ENAH: variants seen among roughly 807,000 people sequenced by gnomAD.
ENAH encodes ENAH actin regulator.
In ENAH, 23 loss-of-function variants were observed where a neutral mutation model predicts 78.7. The observed-to-expected ratio is 0.29, with a 90% CI of 0.21 to 0.41. The LOEUF is 0.41. Among genes scored for constraint, ENAH ranks in the 10% least tolerant of loss-of-function variants. The pLI is 1.00. For missense variants in ENAH, 544 were observed against 691.0 expected, an observed-to-expected ratio of 0.79 and a Z score of 2.39; for synonymous variants, 226 against 241.0, an observed-to-expected ratio of 0.94 and a Z score of 0.58.
Position 225,497,828 on chromosome 1 carries a change from C to A in ENAH, c.1676-16G>T, listed in dbSNP as rs746952942. ...TGCCTGATTGCTGGATGGAAAAGAA[C>A]AAGTATTGAAAATAAATATAATGAT... On this transcript the variant is annotated splice_polypyrimidine_tract_variant and intron_variant, in intron 13 of 13. Transcript: ENST00000366843. The A allele has an allele frequency of 6.2e-7, 1 of 1,608,556 alleles. No homozygotes were observed. Among genetic ancestry groups the A allele is most frequent in the South Asian group, 1.1e-5 (1 of 90,810 alleles).
chr1:225,593,409 GGGGGGGGGT>G (rs1558874097), intron 1 of ENAH, among the ~76,000 whole-genome samples: 1 of 124,148 alleles, frequency 8.1e-6, no homozygotes, highest in Non-Finnish European at 1.7e-5. Flanking sequence ...GTGGGGGGGG[GGGGGGGGGT>G]GGGGGGTGCC....
intron 1 of ENAH, among the ~76,000 whole-genome samples, chr1:225,616,137 G>C (rs893946192): frequency 2.6e-5 from 4 of 152,110 alleles, no homozygotes; most frequent in Non-Finnish European, 5.9e-5. Flanking sequence ...GCAGCATGCT[G>C]GTTAAGAGTC....
In ENAH at chr1:225,629,267, G is replaced by C. The variant is rs573129086; in HGVS notation, c.5+23419C>G. On this transcript the variant is annotated intron_variant, in intron 1 of 13. Coordinates refer to ENST00000366843, the MANE Select transcript of ENAH (RefSeq NM_018212.6). ...CACTTCAGCCTGGGTGACAGAGCAA[G>C]ACTCCATCTCGGAAGAAAGAAAAGA... is the stretch of plus-strand genomic sequence containing the variant. 2.6e-5 allele frequency among the ~76,000 whole-genome samples: 4 copies of C among 151,780 alleles called. No individual in the cohort carries two copies. The South Asian group carries it at 8.3e-4, about 32-fold the overall frequency.
At chr1:225,596,529 A>G (rs1051942565) in intron 1 of ENAH, among the ~76,000 whole-genome samples, 2 of 152,194 alleles carry the variant, frequency 1.3e-5, no homozygotes, top group Non-Finnish European at 2.9e-5. Flanking sequence ...GGAGGAAGGG[A>G]AAAAAACTGG....
intron 1 of ENAH, among the ~76,000 whole-genome samples, chr1:225,593,646 T>G (rs1285961408): frequency 6.6e-6 from 1 of 152,148 alleles, no homozygotes; most frequent in Non-Finnish European, 1.5e-5. Flanking sequence ...ACTTTGGCAA[T>G]GTGTTCAGAA....
Position 225,555,048 on chromosome 1 carries a change from C to T in ENAH, c.207G>A (p.Lys69=). 6.3e-7 allele frequency: 1 copy of T among 1,586,758 alleles called. No individual in the cohort carries two copies. Among genetic ancestry groups the T allele is most frequent in the Non-Finnish European group, 8.6e-7 (1 of 1,158,198 alleles). ...VINCAIPKGL[K]YNQATQTFHQ... ...GGAAGGTCTGTGTAGCTTGATTGTA[C>T]TTCAACCCTTTAGGAATGGCACAGT... The change falls in exon 3 of 14, where the codon AAG becomes AAA. Residue 69 remains lysine, a synonymous_variant. Coordinates refer to ENST00000366843, the MANE Select transcript of ENAH (RefSeq NM_018212.6).
At chr1:225,520,730 C>T (rs2151181687) in intron 4 of ENAH, among the ~76,000 whole-genome samples, 1 of 152,134 alleles carries the variant, frequency 6.6e-6, no homozygotes, top group South Asian at 2.1e-4. Flanking sequence ...GTGCCATGCA[C>T]CTGTATTCCC....
intron 3 of ENAH, among the ~76,000 whole-genome samples, chr1:225,533,098 T>A (rs747236150): frequency 6.6e-6 from 1 of 152,142 alleles, no homozygotes; most frequent in Non-Finnish European, 1.5e-5. Flanking sequence ...AATTGTCAGG[T>A]TGCAGTAACT....
At chr1:225,558,030 T>C (rs911361033) in intron 2 of ENAH, among the ~76,000 whole-genome samples, 5 of 152,194 alleles carry the variant, frequency 3.3e-5, no homozygotes, top group Non-Finnish European at 5.9e-5. Flanking sequence ...TTTTCTAGTA[T>C]TAAACCAACC....
rs1020449843 is a variant in ENAH at position 225,609,183 on chromosome 1, T to TA, written c.6-41770dup. 4.4e-4 allele frequency among the ~76,000 whole-genome samples: 64 copies of TA among 144,294 alleles called. 1 individual carries two copies. Among genetic ancestry groups the TA allele is most frequent in the East Asian group, 2.0e-3 (10 of 5,000 alleles). 94.7% of individuals were successfully genotyped at this position (144,294 alleles called of 152,430 possible). A position where few individuals can be genotyped will look rare whatever the true frequency, so the allele number is the denominator to read the frequency against. ...AACACAAAGTTAGAGGTATCCAAAA[T>TA]AAAAAAAAAAGAAACTGAAAGATTA... On this transcript the variant is annotated intron_variant, in intron 1 of 13. Transcript: ENST00000366843.
intron 3 of ENAH, among the ~76,000 whole-genome samples, chr1:225,540,545 T>C (rs2096584131): frequency 6.6e-6 from 1 of 152,140 alleles, no homozygotes; most frequent in Non-Finnish European, 1.5e-5. Flanking sequence ...AGGGCAATTC[T>C]GGGCAAGAAA....
chr1:225,587,342 G>C (rs2096852499), intron 1 of ENAH, among the ~76,000 whole-genome samples: 1 of 152,162 alleles, frequency 6.6e-6, no homozygotes, highest in Admixed American at 6.5e-5. Context: ...CAGGATTCAA[G>C]TTTAATTTAA....
At chr1:225,640,812 GC>G (rs1376160431) in intron 1 of ENAH, among the ~76,000 whole-genome samples, 2 of 151,268 alleles carry the variant, frequency 1.3e-5, no homozygotes, top group African/African-American at 4.9e-5. Context: ...GAATATAAAT[GC>G]CAACACTGAA....
At chr1:225,644,681 A>G (rs1345841781) in intron 1 of ENAH, among the ~76,000 whole-genome samples, 1 of 152,156 alleles carries the variant, frequency 6.6e-6, no homozygotes, top group Non-Finnish European at 1.5e-5. Flanking sequence ...CAGATACCAA[A>G]AAGGACAGAA....
intron 1 of ENAH, among the ~76,000 whole-genome samples, chr1:225,629,905 C>A (rs540764609): frequency 1.4e-4 from 21 of 152,226 alleles, no homozygotes; most frequent in Non-Finnish European, 2.5e-4. Context: ...TGGATGGCAT[C>A]ATATTAAAAT....
chr1:225,638,719 C>G (rs531628741), intron 1 of ENAH, among the ~76,000 whole-genome samples: 1 of 152,068 alleles, frequency 6.6e-6, no homozygotes. Context: ...CTGAGCTGAT[C>G]AAATCTAAAT....
chr1:225,565,672 G>A (rs1336716013), intron 2 of ENAH, among the ~76,000 whole-genome samples: 1 of 151,984 alleles, frequency 6.6e-6, no homozygotes, highest in African/African-American at 2.4e-5. Flanking sequence ...ATCTTGGGGT[G>A]TATTTGATTT....
intron 11 of ENAH, among the ~76,000 whole-genome samples, chr1:225,502,062 T>A (rs2096285231): frequency 1.3e-5 from 2 of 152,160 alleles, no homozygotes; most frequent in African/African-American, 4.8e-5. Context: ...TTTTGCAGAG[T>A]ACCAATGTTA....
intron 1 of ENAH, among the ~76,000 whole-genome samples, chr1:225,642,888 G>T (rs1294207039): frequency 6.6e-6 from 1 of 152,166 alleles, no homozygotes; most frequent in Non-Finnish European, 1.5e-5. Context: ...TTAAACCAAT[G>T]AGGTAACACC....
Sources: gnomAD v4.1 joint callset for allele counts (sites outside exome capture counted in the v4.1 genomes callset) on GRCh38, gnomAD v4.1.1 for gene constraint, MANE v1.5 for transcripts, NCBI Gene and HGNC (gene_info 2026-07-23, HGNC 2026-07-21) for gene names.